Variants in FAR2 observed in about 807,000 individuals in gnomAD.
The protein encoded by FAR2 is epididymis secretory protein Li 81.
FAR2 carries 19 observed loss-of-function variants against 56.0 expected under a neutral mutation model. The observed-to-expected ratio is 0.34, with a 90% CI of 0.24 to 0.50. The LOEUF (loss-of-function observed/expected upper bound fraction) is 0.50. Among genes scored for constraint, FAR2 ranks in the 20% least tolerant of loss-of-function variants. FAR2 has a pLI of 0.98. For missense variants in FAR2, 508 were observed against 642.2 expected, an observed-to-expected ratio of 0.79 and a Z score of 2.26; for synonymous variants, 219 against 218.8, an observed-to-expected ratio of 1.00 and a Z score of -0.01.
At chr12:29,264,883 G>C (rs1230569375) in intron 1 of FAR2, among the ~76,000 whole-genome samples, 1 of 147,830 alleles carries the variant, frequency 6.8e-6, no homozygotes, top group Admixed American at 6.8e-5. Flanking sequence ...TATGCCCACA[G>C]TGGACACTCT....
At chr12:29,252,583 A>G (rs1015760092) in intron 1 of FAR2, among the ~76,000 whole-genome samples, 1 of 152,110 alleles carries the variant, frequency 6.6e-6, no homozygotes, top group Non-Finnish European at 1.5e-5. Context: ...TTATTGTAGT[A>G]TTTGAGGATT....
intron 10 of FAR2, among the ~76,000 whole-genome samples, chr12:29,322,716 G>GAAAC (rs1949573602): frequency 6.6e-6 from 1 of 152,096 alleles, no homozygotes; most frequent in Admixed American, 6.5e-5. Context: ...TTCCCACTAA[G>GAAAC]AAACAATTTT....
chr12:29,307,258 GTAC>G (rs1171599881), intron 4 of FAR2, among the ~76,000 whole-genome samples: 1 of 152,082 alleles, frequency 6.6e-6, no homozygotes, highest in Non-Finnish European at 1.5e-5. Context: ...TTCTAATTTA[GTAC>G]TACTACAATA....
intron 1 of FAR2, among the ~76,000 whole-genome samples, chr12:29,254,966 A>AT (rs1275886460): frequency 2.9e-4 from 44 of 151,236 alleles, no homozygotes; most frequent in Admixed American, 6.6e-4. Flanking sequence ...AAAAAAAAAA[A>AT]GTTTACTCCA....
At chr12:29,207,648 T>C (rs1224615190) in intron 1 of FAR2, among the ~76,000 whole-genome samples, 1 of 152,186 alleles carries the variant, frequency 6.6e-6, no homozygotes, top group Non-Finnish European at 1.5e-5. Context: ...AAAGTTATGA[T>C]CATATTATGG....
At chr12:29,216,281 A>G (rs986198425) in intron 1 of FAR2, among the ~76,000 whole-genome samples, 10 of 152,188 alleles carry the variant, frequency 6.6e-5, no homozygotes, top group African/African-American at 2.4e-4. Flanking sequence ...ACAACGTCCC[A>G]CCCAATGACT....
At chr12:29,267,918 G>T (rs912822712) in intron 1 of FAR2, among the ~76,000 whole-genome samples, 4 of 152,140 alleles carry the variant, frequency 2.6e-5, no homozygotes, top group African/African-American at 9.7e-5. Context: ...ACTTTGCATT[G>T]CTGGCCTCCC....
chr12:29,215,556 G>T (rs77666709), intron 1 of FAR2, among the ~76,000 whole-genome samples: 16,921 of 152,140 alleles, frequency 0.11, 972 homozygotes, highest in Non-Finnish European at 0.13. Context: ...CAGTAATTTA[G>T]ATGTTAGGAA....
chr12:29,309,351 G>A lies in FAR2; in HGVS notation c.768+121G>A, dbSNP rs904312092. On this transcript the variant is annotated intron_variant, in intron 6 of 11. Coordinates refer to ENST00000536681, the MANE Select transcript of FAR2 (RefSeq NM_001271783.2). Reference sequence around the variant, plus strand: ...TAAATGTTACTTTACTAATAACTGAGGCATATTATTTTAATTGTTCTGATT... The same window carrying A: ...TAAATGTTACTTTACTAATAACTGAAGCATATTATTTTAATTGTTCTGATT... The A allele has an allele frequency of 4.2e-6, 3 of 718,728 alleles. No homozygotes were observed. In the African/African-American group the frequency reaches 5.4e-5, roughly 13 times the overall value. 44.5% of individuals were successfully genotyped at this position (718,728 alleles called of 1,614,324 possible).
intron 4 of FAR2, 89 bp from the exon 5 acceptor site, chr12:29,307,569 T>C: frequency 7.6e-7 from 1 of 1,313,062 alleles, no homozygotes; most frequent in South Asian, 1.4e-5. Flanking sequence ...GGCTAAAAGG[T>C]GGAAGTTTTG....
chr12:29,234,969 G>C (rs9804966), intron 1 of FAR2, among the ~76,000 whole-genome samples: 7,073 of 152,182 alleles, frequency 0.046, 409 homozygotes, highest in African/African-American at 0.13. Flanking sequence ...ATCTTGGAGA[G>C]TGTATGTTTC....
intron 10 of FAR2, among the ~76,000 whole-genome samples, chr12:29,325,530 C>G (rs536945624): frequency 1.4e-4 from 22 of 152,260 alleles, no homozygotes; most frequent in African/African-American, 5.1e-4. Context: ...TGTAAAAGAA[C>G]AGAAATTATA....
At chr12:29,249,312 G>C (rs1007588580) in intron 1 of FAR2, among the ~76,000 whole-genome samples, 8 of 152,192 alleles carry the variant, frequency 5.3e-5, no homozygotes, top group African/African-American at 1.9e-4. Context: ...TGGGGTCCCT[G>C]ACTTCCCGCA....
At chr12:29,322,493 G>C (rs1949568930) in intron 10 of FAR2, among the ~76,000 whole-genome samples, 1 of 152,120 alleles carries the variant, frequency 6.6e-6, no homozygotes, top group Non-Finnish European at 1.5e-5. Flanking sequence ...CAACAGTTCA[G>C]ACTTTCATTT....
chr12:29,189,539 T>C (rs1052268861), intron 1 of FAR2, among the ~76,000 whole-genome samples: 1 of 152,212 alleles, frequency 6.6e-6, no homozygotes, highest in Non-Finnish European at 1.5e-5. Context: ...CCAAGATTTG[T>C]GCCCTGAGTG....
intron 1 of FAR2, among the ~76,000 whole-genome samples, chr12:29,186,755 A>ATTTATTTATTATTTATTTAT (rs1481530321): frequency 6.5e-5 from 3 of 46,324 alleles, no homozygotes; most frequent in African/African-American, 1.2e-4. Context: ...TTCTTTATTT[A>ATTTATTTATTATTTATTTAT]TTATTTATTT....
At chr12:29,246,103 A>T (rs1356833655) in intron 1 of FAR2, among the ~76,000 whole-genome samples, 2 of 151,860 alleles carry the variant, frequency 1.3e-5, no homozygotes, top group Non-Finnish European at 2.9e-5. Flanking sequence ...ATATACATCA[A>T]ATTTTCCTTT....
chr12:29,316,780 C>A, intron 8 of FAR2, 61 bp from the exon 9 acceptor site: 1 of 1,526,040 alleles, frequency 6.6e-7, no homozygotes. Flanking sequence ...CAAATGCTTT[C>A]CACTATGATG....
At chr12:29,295,199 A>G (rs1264857355) in intron 3 of FAR2, among the ~76,000 whole-genome samples, 1 of 151,944 alleles carries the variant, frequency 6.6e-6, no homozygotes, top group Non-Finnish European at 1.5e-5. Flanking sequence ...CAGCCTCCCC[A>G]TGTAGCTGGG....
Sources: gnomAD v4.1 joint callset for allele counts (sites outside exome capture counted in the v4.1 genomes callset) on GRCh38, gnomAD v4.1.1 for gene constraint, MANE v1.5 for transcripts, NCBI Gene and HGNC (gene_info 2026-07-23, HGNC 2026-07-21) for gene names.